SLC12A3: variants seen among roughly 807,000 people sequenced by gnomAD.
The protein encoded by SLC12A3 is solute carrier family 12 member 3, also known as Na-Cl cotransporter.
In SLC12A3, 104 loss-of-function variants were observed where a neutral mutation model predicts 121.0. The ratio of observed to expected loss-of-function variants is 0.86; its 90% CI spans 0.73 to 1.01. The LOEUF is 1.01. SLC12A3 is among the 50% of genes least tolerant of loss of function. The pLI, the probability that SLC12A3 is intolerant of heterozygous loss-of-function variation, is 0.00. For missense variants in SLC12A3, 1,328 were observed against 1,356.3 expected (o/e 0.98, Z 0.33); for synonymous variants, 536 against 533.4 (o/e 1.00, Z -0.07).
intron 24 of SLC12A3, chr16:56,904,169 A>G (rs2055575316): frequency 2.0e-6 from 1 of 510,922 alleles, no homozygotes; most frequent in South Asian, 1.9e-5. Context: ...AAGTCAGGCA[A>G]GGAAAAGCCA....
chr16:56,886,279 C>G, intron 15 of SLC12A3, 85 bp from the exon 16 acceptor site: 2 of 960,144 alleles, frequency 2.1e-6, no homozygotes, highest in Non-Finnish European at 3.3e-6. Flanking sequence ...CACCACCATT[C>G]AGGGAGCCTG....
At chr16:56,892,815 G>C in intron 20 of SLC12A3, 138 bp from the exon 21 acceptor site, 1 of 694,478 alleles carries the variant, frequency 1.4e-6, no homozygotes, top group Non-Finnish European at 2.6e-6. Flanking sequence ...AGCACTGAGC[G>C]TCCTGGGCCC....
chr16:56,887,156 A>C, intron 17 of SLC12A3, 63 bp downstream of exon 17: 1 of 1,609,858 alleles, frequency 6.2e-7, no homozygotes, highest in South Asian at 1.1e-5. Flanking sequence ...TGGAAGGCAG[A>C]AAGTCTTGGC....
intron 22 of SLC12A3, among the ~76,000 whole-genome samples, chr16:56,895,354 G>C (rs1033583463): frequency 2.1e-4 from 32 of 150,848 alleles, no homozygotes; most frequent in African/African-American, 7.7e-4. Context: ...ACCATGCCCA[G>C]ATAGTTTTTT....
At position 56,888,022 on chromosome 16, in the gene SLC12A3, G is replaced by A. The variant is rs202152707; in HGVS notation, c.2276G>A (p.Gly759Asp). ...AHPATVEDYIGILHDAFDFNY... is the reference protein window; with the variant it reads ...AHPATVEDYIDILHDAFDFNY... ...CCGGCCACAGTGGAAGACTACATTG[G>A]CATCCTCCAGTGAGTCGGGGGAGAG... Residue 759 changes from glycine to aspartate, a missense_variant, in exon 18 of 26, where the codon GGC (glycine) becomes GAC (aspartate). Physicochemically the swap from Gly to Asp is moderately conservative, Grantham distance 94 (BLOSUM62 -1). Coordinates refer to ENST00000563236, the MANE Select transcript of SLC12A3 (RefSeq NM_001126108.2). 6.2e-7 allele frequency: 1 copy of A among 1,608,616 alleles called. No homozygotes were observed. The highest frequency in any genetic ancestry group is 8.5e-7 in the Non-Finnish European group (1 of 1,176,022).
rs1232012807 is a variant in SLC12A3, at chr16:56,886,463, C to T, written c.2025C>T (p.Gly675=). ...GGAACCTCAGCCTGATGATCTGTGG[C>T]CACGTGCTCATCGTGAGTGGCCCCT... ...FTRNLSLMIC[G]HVLIGPHKQR... The change falls in exon 16 of 26, where the codon GGC becomes GGT. Residue 675 remains glycine, a synonymous_variant. Coordinates refer to ENST00000563236, the MANE Select transcript of SLC12A3 (RefSeq NM_001126108.2). 2 of 1,613,592 alleles carry T rather than the reference C, an allele frequency of 1.2e-6. No individual in the cohort carries two copies. The highest frequency in any genetic ancestry group is 8.5e-7 in the Non-Finnish European group (1 of 1,179,808).
In SLC12A3 at chr16:56,896,564, T is replaced by C. The variant is rs34372258; in HGVS notation, c.2633+1922T>C. On this transcript the variant is annotated intron_variant, in intron 22 of 25. Coordinates refer to ENST00000563236, the MANE Select transcript of SLC12A3 (RefSeq NM_001126108.2). ...GGGTTTGAGACCAGGCTGGGCAACA[T>C]AGTGAGAGCCCATCTCTACCAAAAA... Among the ~76,000 whole-genome samples, 299 of 151,940 alleles carry C rather than the reference T, an allele frequency of 2.0e-3. 3 individuals are homozygous for C. The highest frequency in any genetic ancestry group is 7.1e-3 in the African/African-American group (293 of 41,394).
Position 56,884,215 on chromosome 16 carries a change from C to T in SLC12A3, c.1825+11C>T. ...TCTACAAGAAGCCAGGTGCGCATCTCAGCTGCGGGGCCTCGGCCCTCCTCC... is the reference window on the plus strand; with the variant it reads ...TCTACAAGAAGCCAGGTGCGCATCTTAGCTGCGGGGCCTCGGCCCTCCTCC... On this transcript the variant is annotated intron_variant, in intron 14 of 25. Transcript: ENST00000563236. The T allele has an allele frequency of 4.3e-6, 7 of 1,613,890 alleles. No homozygotes were observed. Among genetic ancestry groups the T allele is most frequent in the Non-Finnish European group, 5.9e-6 (7 of 1,179,936 alleles).
Position 56,872,657 on chromosome 16 carries a change from G to A in SLC12A3, c.966G>A (p.Ala322=), listed in dbSNP as rs149172580. 219 of 1,614,242 alleles carry A rather than the reference G, an allele frequency of 1.4e-4. No homozygotes were observed. The African/African-American group carries it at 2.3e-3, about 17-fold the overall frequency. Residue 322 remains alanine, a splice_region_variant and synonymous_variant, in exon 8 of 26, where the codon GCG becomes GCA. Coordinates refer to ENST00000563236, the MANE Select transcript of SLC12A3 (RefSeq NM_001126108.2). ...ACTCATCAGGCCTTGCTTTTCCAGCGGACATTTTTGTCCAGAACTTGGTGC... is the reference window on the plus strand; with the variant it reads ...ACTCATCAGGCCTTGCTTTTCCAGCAGACATTTTTGTCCAGAACTTGGTGC... ...KASKGFFSYR[A]DIFVQNLVPD... is the part of the protein sequence containing the mutation.
chr16:56,897,091 CAA>C (rs55856347), intron 22 of SLC12A3, among the ~76,000 whole-genome samples: 2 of 140,402 alleles, frequency 1.4e-5, no homozygotes. Context: ...GACTCCATCT[CAA>C]AAAAAAAAAA....
intron 9 of SLC12A3, 72 bp from the exon 10 acceptor site, chr16:56,879,001 A>C (rs1029269596): frequency 4.4e-5 from 68 of 1,538,694 alleles, no homozygotes; most frequent in Non-Finnish European, 5.8e-5. Flanking sequence ...CGCCCTCTGC[A>C]GAGGTGGGGC....
Position 56,878,074 on chromosome 16 carries a change from C to A in SLC12A3, c.1096-3C>A. The A allele has an allele frequency of 7.8e-7, 1 of 1,287,356 alleles. No homozygotes were observed. The highest frequency in any genetic ancestry group is 1.1e-6 in the Non-Finnish European group (1 of 923,576). 79.7% of individuals were successfully genotyped at this position (1,287,356 alleles called of 1,614,324 possible). ...TCCCTCCCTCTCTCCCTCCCTCCTTCAGGACCCTGCTATAGCCATCCCCAA... is the reference window on the plus strand; with the variant it reads ...TCCCTCCCTCTCTCCCTCCCTCCTTAAGGACCCTGCTATAGCCATCCCCAA... On this transcript the variant is annotated splice_polypyrimidine_tract_variant and splice_region_variant and intron_variant, in intron 8 of 25. Transcript: ENST00000563236.
chr16:56,887,770 G>A (rs1420827898), intron 17 of SLC12A3, among the ~76,000 whole-genome samples, 155 bp from the exon 18 acceptor site: 2 of 54,212 alleles, frequency 3.7e-5, no homozygotes, highest in Non-Finnish European at 6.2e-5. Flanking sequence ...AAATTTTTAA[G>A]ATTATATATA....
Position 56,879,599 on chromosome 16 carries a change from ACC to A in SLC12A3, c.1395_1396del (p.Ser467LeufsTer57). The A allele has an allele frequency of 6.2e-7, 1 of 1,613,394 alleles. No individual in the cohort carries two copies. The highest frequency in any genetic ancestry group is 8.5e-7 in the Non-Finnish European group (1 of 1,179,948). ...PLITAGIFGATLSSALACLVS... is the reference protein window; with the variant it reads ...PLITAGIFGAXLSSALACLVS... ...GATCACGGCTGGCATCTTCGGGGCC[ACC>A]CTCTCCTCTGCCCTGGCCTGCCTTG... On this transcript the variant is annotated frameshift_variant, in exon 11 of 26. Transcript: ENST00000563236. LOFTEE classifies it high-confidence loss of function.
intron 12 of SLC12A3, 121 bp downstream of exon 12, chr16:56,880,374 G>A: frequency 8.1e-7 from 1 of 1,228,246 alleles, no homozygotes; most frequent in Admixed American, 2.2e-5. Flanking sequence ...ACAGTTAGTG[G>A]GCACTAAGAG....
rs957195515 is a variant in SLC12A3, at chr16:56,869,922, G to T, written c.601+98G>T. 3.7e-6 allele frequency: 5 copies of T among 1,367,612 alleles called. No individual in the cohort carries two copies. The African/African-American group carries it at 4.3e-5, about 12-fold the overall frequency. 84.7% of individuals were successfully genotyped at this position (1,367,612 alleles called of 1,614,324 possible). On this transcript the variant is annotated intron_variant, in intron 4 of 25. Transcript: ENST00000563236. Reference sequence around the variant, plus strand: ...CCCCAACCCAATGGTACACCCAGCCGCTCCTGTGGTTCCGGGAGAGGGCTC... The same window carrying T: ...CCCCAACCCAATGGTACACCCAGCCTCTCCTGTGGTTCCGGGAGAGGGCTC...
rs1414152969 is a variant in SLC12A3 at position 56,913,656 on chromosome 16, C to T, written c.*251C>T. ...GAGCTGCAAGGAAAACTCTCTAAAG[C>T]ATCCTATTCCTTTTAAAGGATTTCT... On this transcript the variant is annotated 3_prime_UTR_variant, in exon 26 of 26. Coordinates refer to ENST00000563236, the MANE Select transcript of SLC12A3 (RefSeq NM_001126108.2). 3.7e-6 allele frequency: 2 copies of T among 546,230 alleles called. No homozygotes were observed. Among genetic ancestry groups the T allele is most frequent in the Admixed American group, 3.1e-5 (1 of 32,230 alleles). 33.8% of individuals were successfully genotyped at this position (546,230 alleles called of 1,614,324 possible). A position where few individuals can be genotyped will look rare whatever the true frequency, so the allele number is the denominator to read the frequency against.
chr16:56,885,749 C>T (rs2055302647), intron 15 of SLC12A3, among the ~76,000 whole-genome samples: 1 of 152,182 alleles, frequency 6.6e-6, no homozygotes, highest in Non-Finnish European at 1.5e-5. Context: ...CCTCTTCCCA[C>T]CAGATCCTAA....
intron 14 of SLC12A3, 110 bp from the exon 15 acceptor site, chr16:56,885,155 G>C: frequency 1.3e-6 from 1 of 760,976 alleles, no homozygotes; most frequent in African/African-American, 1.7e-5. Context: ...GCTCCCACGG[G>C]TGCCCGGTGC....
Sources: allele counts gnomAD v4.1 joint callset (sites outside exome capture counted in the v4.1 genomes callset), GRCh38; gene constraint gnomAD v4.1.1; transcripts MANE v1.5; gene names NCBI Gene and HGNC (gene_info 2026-07-23, HGNC 2026-07-21).